Variants in N4BP2L1 observed in about 807,000 individuals in gnomAD.
The protein encoded by N4BP2L1 is NEDD4 binding protein 2 like 1.
A neutral mutation model predicts 21.2 loss-of-function variants in N4BP2L1; 12 were observed. The observed-to-expected ratio is 0.57, with a 90% CI of 0.36 to 0.92. The LOEUF (loss-of-function observed/expected upper bound fraction) is 0.92, where lower values mean the gene tolerates loss of function less well. N4BP2L1 is among the 40% of genes least tolerant of loss of function. The probability of loss-of-function intolerance (pLI) is 0.01; values close to 1 mark genes in which losing one functional copy is unlikely to be tolerated. For synonymous variants in N4BP2L1, 104 were observed against 112.8 expected (o/e 0.92, Z 0.49); for missense variants, 259 against 310.6 (o/e 0.83, Z 1.25).
intron 3 of N4BP2L1, among the ~76,000 whole-genome samples, chr13:32,406,206 G>GCCTTCCTGCCC (rs2073492468): frequency 6.6e-6 from 1 of 151,542 alleles, no homozygotes; most frequent in Non-Finnish European, 1.5e-5. Flanking sequence ...ACCGCACCCG[G>GCCTTCCTGCCC]CCTTCCTGCC....
At chr13:32,427,795 C>T (rs965676575) in intron 1 of N4BP2L1, 109 bp downstream of exon 1, 67 of 630,730 alleles carry the variant, frequency 1.1e-4, no homozygotes, top group Non-Finnish European at 1.4e-4. Context: ...CAGGCACCCG[C>T]GGCGGGGGCG....
At chr13:32,411,727 G>T (rs895952613) in intron 1 of N4BP2L1, 13 of 982,844 alleles carry the variant, frequency 1.3e-5, no homozygotes, top group Middle Eastern at 5.2e-4. Context: ...GAAACTCAGG[G>T]GCTAATCTTG....
At position 32,402,394 on chromosome 13, in the gene N4BP2L1, C is replaced by G. The variant is rs1376901654; in HGVS notation, c.*548G>C. 1 of 756,706 alleles carries G rather than the reference C, an allele frequency of 1.3e-6. No individual in the cohort carries two copies. The highest frequency in any genetic ancestry group is 6.2e-5 in the Admixed American group (1 of 16,012). The allele number at this position is 756,706 out of a possible 1,614,324, so 46.9% of individuals were successfully genotyped here. A position where few individuals can be genotyped will look rare whatever the true frequency, so the allele number is the denominator to read the frequency against. On this transcript the variant is annotated 3_prime_UTR_variant, in exon 5 of 5. Coordinates refer to ENST00000380130, the MANE Select transcript of N4BP2L1 (RefSeq NM_052818.3). ...AGTGTCTACTTTGAAGGACAATGTT[C>G]CCTTAGATGTATGCTTTCTGGCATA... is the stretch of plus-strand genomic sequence containing the variant.
chr13:32,414,074 G>T (rs2074002979), intron 1 of N4BP2L1, among the ~76,000 whole-genome samples: 1 of 151,904 alleles, frequency 6.6e-6, no homozygotes, highest in Non-Finnish European at 1.5e-5. Flanking sequence ...TAGCAACGAG[G>T]TTTCACCATG....
chr13:32,415,033 C>G (rs115428899), intron 1 of N4BP2L1, among the ~76,000 whole-genome samples: 1 of 152,154 alleles, frequency 6.6e-6, no homozygotes, highest in Non-Finnish European at 1.5e-5. Flanking sequence ...TGAACAGAAA[C>G]CCCAGTTAGT....
At chr13:32,410,106 T>C (rs1329664651) in intron 1 of N4BP2L1, among the ~76,000 whole-genome samples, 1 of 152,244 alleles carries the variant, frequency 6.6e-6, no homozygotes, top group Non-Finnish European at 1.5e-5. Context: ...GGCGCGGGAA[T>C]GAACTTCTTT....
intron 1 of N4BP2L1, chr13:32,425,967 G>A (rs752775537): frequency 6.6e-6 from 1 of 152,140 alleles, no homozygotes; most frequent in Non-Finnish European, 1.5e-5. Context: ...TAGAGAGAGA[G>A]AGATGGTCTG....
At chr13:32,424,294 T>A (rs1353201255) in intron 1 of N4BP2L1, among the ~76,000 whole-genome samples, 1 of 152,204 alleles carries the variant, frequency 6.6e-6, no homozygotes, top group African/African-American at 2.4e-5. Flanking sequence ...TTCCTTTTCC[T>A]TCGTTCAGCC....
intron 1 of N4BP2L1, among the ~76,000 whole-genome samples, chr13:32,413,871 C>T (rs1044208384): frequency 1.3e-5 from 2 of 148,976 alleles, no homozygotes; most frequent in African/African-American, 2.5e-5. Context: ...CAAGTTTGCA[C>T]CAAGCTTTTT....
intron 3 of N4BP2L1, 168 bp downstream of exon 3, chr13:32,407,082 T>C (rs1218408286): frequency 9.3e-6 from 6 of 644,676 alleles, no homozygotes; most frequent in African/African-American, 3.7e-5. Context: ...ACTTCAGCCA[T>C]TGAACAGCAG....
Position 32,410,547 on chromosome 13 carries a change from T to C in N4BP2L1, c.180-2775A>G, listed in dbSNP as rs192438157. Among the ~76,000 whole-genome samples the C allele has an allele frequency of 4.6e-5, 7 of 152,314 alleles. No individual in the cohort carries two copies. In the East Asian group the frequency reaches 1.4e-3, roughly 29 times the overall value. Reference sequence around the variant, plus strand: ...AGACTTGATGAACCAGTGCTCATAGTTTCCGTATGAATGTCTGTTATTCGA... The same window carrying C: ...AGACTTGATGAACCAGTGCTCATAGCTTCCGTATGAATGTCTGTTATTCGA... On this transcript the variant is annotated intron_variant, in intron 1 of 4. Transcript: ENST00000380130.
At chr13:32,407,153 GA>G (rs1303741919) in intron 3 of N4BP2L1, 96 bp downstream of exon 3, 1 of 1,259,344 alleles carries the variant, frequency 7.9e-7, no homozygotes, top group Non-Finnish European at 1.1e-6. Context: ...TAGCAAATAT[GA>G]AATCATGGAA....
intron 1 of N4BP2L1, among the ~76,000 whole-genome samples, chr13:32,424,449 A>C (rs2074653740): frequency 6.6e-6 from 1 of 152,176 alleles, no homozygotes; most frequent in South Asian, 2.1e-4. Flanking sequence ...ACTGGCCCTT[A>C]CCCACAGCAG....
chr13:32,403,067 CATT>C lies in N4BP2L1; in HGVS notation c.604_606del (p.Asn202del). Reference sequence around the variant, plus strand: ...TATCTGGCATTGTTGGAAGGCAATGCATTATTCCTGTCCTGGTTTCTGTTCATT... The same window carrying C: ...TATCTGGCATTGTTGGAAGGCAATGCATTCCTGTCCTGGTTTCTGTTCATT... On this transcript the variant is annotated inframe_deletion, in exon 5 of 5. Transcript: ENST00000380130. The C allele has an allele frequency of 1.9e-6, 3 of 1,614,100 alleles. No individual in the cohort carries two copies. Among genetic ancestry groups the C allele is most frequent in the Non-Finnish European group, 2.5e-6 (3 of 1,180,020 alleles).
chr13:32,410,341 CAAG>C (rs766189655), intron 1 of N4BP2L1, among the ~76,000 whole-genome samples: 17 of 152,340 alleles, frequency 1.1e-4, no homozygotes, highest in Middle Eastern at 3.4e-3. Context: ...GAGAACAAGA[CAAG>C]AAGCTGCTCA....
upstream of N4BP2L1, chr13:32,428,423 C>T: frequency 5.1e-6 from 1 of 194,952 alleles, no homozygotes; most frequent in African/African-American, 2.3e-5. Context: ...GGCCTGGAAG[C>T]CAGGCCTCCT....
At chr13:32,415,495 T>G (rs2074087031) in intron 1 of N4BP2L1, among the ~76,000 whole-genome samples, 1 of 152,242 alleles carries the variant, frequency 6.6e-6, no homozygotes, top group Non-Finnish European at 1.5e-5. Flanking sequence ...TTTGGCTATA[T>G]TTATTTTCAC....
intron 4 of N4BP2L1, among the ~76,000 whole-genome samples, chr13:32,403,422 C>T (rs766656388): frequency 1.3e-5 from 2 of 152,090 alleles, no homozygotes; most frequent in Non-Finnish European, 2.9e-5. Flanking sequence ...TAGCAAGGAG[C>T]TAAAGCTTCA....
intron 1 of N4BP2L1, among the ~76,000 whole-genome samples, chr13:32,423,355 T>C (rs2074587538): frequency 6.6e-6 from 1 of 152,224 alleles, no homozygotes; most frequent in African/African-American, 2.4e-5. Flanking sequence ...TTTGTGATGG[T>C]GCCAAAAGGA....
Sources: gnomAD v4.1 joint callset for allele counts (sites outside exome capture counted in the v4.1 genomes callset) on GRCh38, gnomAD v4.1.1 for gene constraint, MANE v1.5 for transcripts, NCBI Gene and HGNC (gene_info 2026-07-23, HGNC 2026-07-21) for gene names.